DIAPH3: variants seen among roughly 807,000 people sequenced by gnomAD.
DIAPH3 encodes the protein protein diaphanous homolog 3.
Under a neutral mutation model 144.3 loss-of-function variants are expected in DIAPH3, and 117 were observed. That is an observed-to-expected ratio of 0.81 (90% CI 0.70 to 0.95). DIAPH3 has a LOEUF of 0.95. Ranked by LOEUF, DIAPH3 falls within the 40% of genes least tolerant of loss-of-function variation. DIAPH3 has a pLI of 0.00. For synonymous variants in DIAPH3, 519 were observed against 488.9 expected, an observed-to-expected ratio of 1.06 and a Z score of -0.81; for missense variants, 1,421 against 1,412.7, an observed-to-expected ratio of 1.01 and a Z score of -0.09.
At chr13:59,814,621 T>C (rs1225074475) in intron 24 of DIAPH3, among the ~76,000 whole-genome samples, 2 of 152,220 alleles carry the variant, frequency 1.3e-5, no homozygotes, top group Non-Finnish European at 2.9e-5. Context: ...GTGACTTCCA[T>C]CCTAAATTTG....
intron 18 of DIAPH3, among the ~76,000 whole-genome samples, chr13:59,924,336 C>T (rs1594006546): frequency 6.6e-6 from 1 of 152,140 alleles, no homozygotes; most frequent in South Asian, 2.1e-4. Context: ...ATTCACTTTA[C>T]TCACCATCCT....
chr13:59,778,046 T>C (rs2038517798), intron 25 of DIAPH3, among the ~76,000 whole-genome samples: 1 of 152,206 alleles, frequency 6.6e-6, no homozygotes, highest in Admixed American at 6.5e-5. Flanking sequence ...ATCTCATTGT[T>C]CTTAGGCAAT....
intron 17 of DIAPH3, among the ~76,000 whole-genome samples, chr13:59,956,890 T>G (rs1779262917): frequency 6.6e-6 from 1 of 152,164 alleles, no homozygotes. Context: ...AGGAGATAAT[T>G]TTGGAGCTTT....
intron 17 of DIAPH3, among the ~76,000 whole-genome samples, chr13:59,945,175 A>G (rs986861558): frequency 1.3e-5 from 2 of 152,070 alleles, no homozygotes. Flanking sequence ...CCTTGTCTCC[A>G]GTCACACTAA....
At chr13:60,067,231 G>T (rs1450424986) in intron 4 of DIAPH3, among the ~76,000 whole-genome samples, 1 of 151,890 alleles carries the variant, frequency 6.6e-6, no homozygotes, top group Non-Finnish European at 1.5e-5. Context: ...GCTGCAGTAA[G>T]CCATGATCAC....
chr13:60,010,469 C>A, intron 8 of DIAPH3, 64 bp downstream of exon 8: 1 of 1,455,438 alleles, frequency 6.9e-7, no homozygotes, highest in South Asian at 1.3e-5. Context: ...GATAATGAAA[C>A]ATTAAATGAA....
chr13:59,745,154 C>A (rs2036640201), intron 27 of DIAPH3, among the ~76,000 whole-genome samples: 1 of 152,108 alleles, frequency 6.6e-6, no homozygotes, highest in Non-Finnish European at 1.5e-5. Context: ...CTTTAACACA[C>A]AGCCTGAGGT....
intron 3 of DIAPH3, among the ~76,000 whole-genome samples, chr13:60,102,103 A>C (rs1022428635): frequency 1.3e-5 from 2 of 152,122 alleles, no homozygotes; most frequent in African/African-American, 4.8e-5. Flanking sequence ...TTTTATTTGC[A>C]CACTACTATC....
chr13:59,771,605 G>T (rs1209012143), intron 27 of DIAPH3, among the ~76,000 whole-genome samples: 2 of 152,054 alleles, frequency 1.3e-5, no homozygotes, highest in Non-Finnish European at 2.9e-5. Context: ...CCAGCTCATG[G>T]ATGGGAAAGG....
Position 59,911,703 on chromosome 13 carries a change from T to C in DIAPH3, c.2367+32A>G, listed in dbSNP as rs773154889. ...TGACAGGTTCTCTTGTTTGGCACAG[T>C]ATAAAAATCCTCTCTGAGACTCGGT... On this transcript the variant is annotated intron_variant, in intron 20 of 27. Transcript: ENST00000400324. 3.3e-6 allele frequency: 5 copies of C among 1,513,986 alleles called. No individual in the cohort carries two copies. In the East Asian group the frequency reaches 9.0e-5, roughly 27 times the overall value. 93.8% of individuals were successfully genotyped at this position (1,513,986 alleles called of 1,614,324 possible).
intron 25 of DIAPH3, among the ~76,000 whole-genome samples, chr13:59,796,650 T>C (rs1446310043): frequency 6.6e-6 from 1 of 152,226 alleles, no homozygotes; most frequent in Non-Finnish European, 1.5e-5. Context: ...TATCAGTAAC[T>C]TTTTCTAAAC....
intron 22 of DIAPH3, among the ~76,000 whole-genome samples, chr13:59,845,919 G>A (rs2042604830): frequency 1.3e-5 from 2 of 152,092 alleles, no homozygotes; most frequent in South Asian, 2.1e-4. Context: ...ATACCCAAAT[G>A]TTTGCTGAAG....
At chr13:59,956,551 C>T (rs1447685118) in intron 17 of DIAPH3, among the ~76,000 whole-genome samples, 4 of 152,218 alleles carry the variant, frequency 2.6e-5, no homozygotes, top group South Asian at 4.1e-4. Flanking sequence ...CAGGCAGAGG[C>T]ATGCTGCAGG....
chr13:60,031,568 T>A (rs2054796965), intron 5 of DIAPH3, among the ~76,000 whole-genome samples: 1 of 152,080 alleles, frequency 6.6e-6, no homozygotes. Context: ...TGAGTCCCTT[T>A]TACTTACAAG....
chr13:59,686,005 C>G (rs2138659846), intron 27 of DIAPH3, among the ~76,000 whole-genome samples: 1 of 152,208 alleles, frequency 6.6e-6, no homozygotes, highest in South Asian at 2.1e-4. Flanking sequence ...AATCCCCAAA[C>G]TAAATGTGCC....
intron 20 of DIAPH3, among the ~76,000 whole-genome samples, chr13:59,909,075 C>T (rs1442647641): frequency 6.6e-6 from 1 of 152,104 alleles, no homozygotes; most frequent in Non-Finnish European, 1.5e-5. Context: ...GAGTTTAATT[C>T]ACTTCAAGTT....
chr13:59,983,883 G>C lies in DIAPH3; in HGVS notation c.1366C>G (p.Gln456Glu), dbSNP rs776831734. The C allele has an allele frequency of 3.1e-6, 5 of 1,593,912 alleles. No homozygotes were observed. Among genetic ancestry groups the C allele is most frequent in the Non-Finnish European group, 4.3e-6 (5 of 1,163,410 alleles). ...LIRNDYFIRQ[Q>E]YFKLIDECVS... Reference sequence around the variant, plus strand: ...CACTCATCAATTAATTTGAAGTATTGTTGCCTAAAACCAAAGAAAAGAGTA... The same window carrying C: ...CACTCATCAATTAATTTGAAGTATTCTTGCCTAAAACCAAAGAAAAGAGTA... The change falls in exon 13 of 28, where the codon CAA becomes GAA. Residue 456 changes from glutamine to glutamate, a missense_variant. Transcript: ENST00000400324.
intron 25 of DIAPH3, among the ~76,000 whole-genome samples, chr13:59,784,169 G>A (rs1459324813): frequency 6.6e-6 from 1 of 152,018 alleles, no homozygotes; most frequent in Non-Finnish European, 1.5e-5. Context: ...TACAAACTCC[G>A]CCTCCCAGGT....
intron 1 of DIAPH3, among the ~76,000 whole-genome samples, chr13:60,133,361 A>C (rs1459131394): frequency 1.3e-5 from 2 of 152,136 alleles, no homozygotes; most frequent in Non-Finnish European, 2.9e-5. Context: ...AAAATGAAAA[A>C]GAACACTGGA....
Sources: allele counts gnomAD v4.1 joint callset (sites outside exome capture counted in the v4.1 genomes callset), GRCh38; gene constraint gnomAD v4.1.1; transcripts MANE v1.5; gene names NCBI Gene and HGNC (gene_info 2026-07-23, HGNC 2026-07-21).